RSBN1: variants seen among roughly 807,000 people sequenced by gnomAD.
The protein encoded by RSBN1 is round spermatid basic protein 1.
In RSBN1, 23 loss-of-function variants were observed where a neutral mutation model predicts 74.8. The ratio of observed to expected loss-of-function variants is 0.31; its 90% confidence interval spans 0.22 to 0.44. The LOEUF (loss-of-function observed/expected upper bound fraction) is 0.44, where lower values mean the gene tolerates loss of function less well. RSBN1 is among the 20% of genes least tolerant of loss of function. The pLI is 1.00. For missense variants in RSBN1, 808 were observed against 1,020.9 expected, an observed-to-expected ratio of 0.79 and a Z score of 2.84; for synonymous variants, 407 against 379.6, an observed-to-expected ratio of 1.07 and a Z score of -0.84.
At chr1:113,793,247 T>C (rs547695982) in intron 2 of RSBN1, among the ~76,000 whole-genome samples, 22 of 152,300 alleles carry the variant, frequency 1.4e-4, no homozygotes, top group African/African-American at 4.6e-4. Context: ...AATTCATACA[T>C]AGAGCAAACT....
intron 1 of RSBN1, among the ~76,000 whole-genome samples, chr1:113,806,838 CA>C (rs140139729): frequency 0.26 from 20,581 of 78,874 alleles, 1,799 homozygotes; most frequent in Middle Eastern, 0.38. Flanking sequence ...CTGCCTCTAT[CA>C]AAAAAAAAAA....
At chr1:113,787,011 A>T (rs1431828263) in intron 2 of RSBN1, among the ~76,000 whole-genome samples, 5 of 152,164 alleles carry the variant, frequency 3.3e-5, no homozygotes, top group Non-Finnish European at 7.3e-5. Context: ...TTTTGCATAT[A>T]AACTTCAATA....
chr1:113,792,581 G>A (rs762626467), intron 2 of RSBN1, among the ~76,000 whole-genome samples: 12 of 152,142 alleles, frequency 7.9e-5, no homozygotes, highest in South Asian at 2.1e-4. Flanking sequence ...GTACACACCC[G>A]TAGTCCTAGC....
chr1:113,785,518 T>A (rs1045120082), intron 2 of RSBN1, among the ~76,000 whole-genome samples: 3 of 152,168 alleles, frequency 2.0e-5, no homozygotes, highest in African/African-American at 7.2e-5. Flanking sequence ...ACATAGCACA[T>A]AAACATATAT....
Position 113,799,565 on chromosome 1 carries a change from TACACACACAC to T in RSBN1, c.704-1539_704-1530del, listed in dbSNP as rs66958734. On this transcript the variant is annotated intron_variant, in intron 1 of 6. Coordinates refer to ENST00000261441, the MANE Select transcript of RSBN1 (RefSeq NM_018364.5). Reference sequence around the variant, plus strand: ...AAGTCTGTCTGATCTATAGATGCTTTACACACACACACACACACACACACACACACACACA... The same window carrying T: ...AAGTCTGTCTGATCTATAGATGCTTTACACACACACACACACACACACACA... Among the ~76,000 whole-genome samples the T allele has an allele frequency of 3.4e-3, 489 of 142,088 alleles. 3 individuals carry two copies. The highest frequency in any genetic ancestry group is 7.0e-3 in the Middle Eastern group (2 of 284). The allele number at this position is 142,088 out of a possible 152,430, so 93.2% of individuals were successfully genotyped here.
intron 1 of RSBN1, among the ~76,000 whole-genome samples, chr1:113,806,332 C>CA (rs529369551): frequency 0.011 from 1,073 of 99,624 alleles, 6 homozygotes; most frequent in Middle Eastern, 0.036. Flanking sequence ...GACTCTGTCT[C>CA]AAAAAAAAAA....
In RSBN1 at chr1:113,797,574, T is replaced by G. The variant is rs1660495753; in HGVS notation, c.1166A>C (p.Glu389Ala). Residue 389 changes from glutamate (E) to alanine (A), a missense_variant, in exon 2 of 7, where the codon GAG (glutamate) becomes GCG (alanine). By Grantham distance (107) the Glu-to-Ala change is moderately radical. Transcript: ENST00000261441. ...ELSFLSPMEM[E>A]RFSEEFLALT... Reference sequence around the variant, plus strand: ...AGCAAGAAACTCCTCAGAAAATCTCTCCATCTCCATTGGAGACAAAAATGA... The same window carrying G: ...AGCAAGAAACTCCTCAGAAAATCTCGCCATCTCCATTGGAGACAAAAATGA... The G allele has an allele frequency of 6.2e-7, 1 of 1,612,016 alleles. No individual in the cohort carries two copies. Among genetic ancestry groups the G allele is most frequent in the East Asian group, 2.2e-5 (1 of 44,814 alleles).
In RSBN1 at chr1:113,766,221, C is replaced by T. The variant is rs572026739; in HGVS notation, c.2168G>A (p.Gly723Asp). Reference sequence around the variant, plus strand: ...TTCTAATTCTCGCTTTCCAGTTAAACCACAGTCCATGTTAGAATTGCTTTC... The same window carrying T: ...TTCTAATTCTCGCTTTCCAGTTAAATCACAGTCCATGTTAGAATTGCTTTC... ...NTESNSNMDCGLTGKRELEVD... is the reference protein window; with the variant it reads ...NTESNSNMDCDLTGKRELEVD... Residue 723 changes from glycine (G) to aspartate (D), a missense_variant, in exon 7 of 7, where the codon GGT (glycine) becomes GAT (aspartate). Gly to Asp is a moderately conservative substitution (Grantham distance 94). This residue lies in a region of RSBN1 where 91 missense variants were observed against 99.6 expected (regional missense o/e 0.91). Coordinates refer to ENST00000261441, the MANE Select transcript of RSBN1 (RefSeq NM_018364.5). The T allele has an allele frequency of 1.2e-6, 2 of 1,614,108 alleles. No homozygotes were observed. The highest frequency in any genetic ancestry group is 2.2e-5 in the East Asian group (1 of 44,882).
intron 5 of RSBN1, among the ~76,000 whole-genome samples, chr1:113,767,566 T>C (rs1357666826): frequency 6.6e-6 from 1 of 152,166 alleles, no homozygotes; most frequent in African/African-American, 2.4e-5. Context: ...AGTCTGGTAG[T>C]TTCTCAAAAC....
chr1:113,789,617 T>G (rs1313124586), intron 2 of RSBN1, among the ~76,000 whole-genome samples: 2 of 152,132 alleles, frequency 1.3e-5, no homozygotes, highest in Non-Finnish European at 2.9e-5. Context: ...GAGAGGCCAG[T>G]CCTGGGGACT....
intron 2 of RSBN1, among the ~76,000 whole-genome samples, chr1:113,792,071 A>G (rs1327072745): frequency 6.6e-6 from 1 of 152,238 alleles, no homozygotes; most frequent in Admixed American, 6.5e-5. Flanking sequence ...TAGAGTAATA[A>G]AAGTAATATA....
intron 1 of RSBN1, among the ~76,000 whole-genome samples, chr1:113,799,138 T>C (rs1157811446): frequency 6.6e-6 from 1 of 152,218 alleles, no homozygotes; most frequent in Non-Finnish European, 1.5e-5. Flanking sequence ...AAACATTAAT[T>C]CATCCAAACA....
chr1:113,805,373 C>T (rs763816316), intron 1 of RSBN1, among the ~76,000 whole-genome samples: 9 of 152,036 alleles, frequency 5.9e-5, no homozygotes, highest in South Asian at 2.1e-4. Context: ...CCACCGCGCC[C>T]GGCCTGTCCT....
In RSBN1 at chr1:113,777,650, ATAATCT is replaced by A; in HGVS notation, c.1515+15_1515+20del. ...CACTTAAGTAAAGATCAAAACTTTA[ATAATCT>A]TAATTAACACTCACTTTCAGAAATG... On this transcript the variant is annotated intron_variant, in intron 3 of 6. Coordinates refer to ENST00000261441, the MANE Select transcript of RSBN1 (RefSeq NM_018364.5). 2 of 1,597,426 alleles carry A rather than the reference ATAATCT, an allele frequency of 1.3e-6. No individual in the cohort carries two copies. The highest frequency in any genetic ancestry group is 2.7e-5 in the African/African-American group (2 of 74,652).
chr1:113,809,726 G>A (rs556518401), intron 1 of RSBN1, among the ~76,000 whole-genome samples: 15 of 152,250 alleles, frequency 9.9e-5, no homozygotes, highest in Non-Finnish European at 1.6e-4. Context: ...TTCTTCACAT[G>A]TTGGCAAACT....
intron 4 of RSBN1, among the ~76,000 whole-genome samples, chr1:113,776,243 T>A (rs2101797693): frequency 6.6e-6 from 1 of 152,328 alleles, no homozygotes. Context: ...ATAGTCCCTG[T>A]CTTCCCAAAG....
At chr1:113,809,280 A>G (rs1224705577) in intron 1 of RSBN1, among the ~76,000 whole-genome samples, 1 of 152,216 alleles carries the variant, frequency 6.6e-6, no homozygotes, top group Non-Finnish European at 1.5e-5. Context: ...CAAGTTCCTT[A>G]TAAATGAAAT....
At chr1:113,777,893 G>A (rs566098102) in intron 2 of RSBN1, 85 bp from the exon 3 acceptor site, 61 of 1,261,836 alleles carry the variant, frequency 4.8e-5, no homozygotes, top group African/African-American at 2.4e-4. Context: ...TGTTTCCAAC[G>A]TTGCCATTTC....
chr1:113,769,343 TTAAAC>T lies in RSBN1; in HGVS notation c.1659-959_1659-955del, dbSNP rs1337238008. 3.6e-4 allele frequency among the ~76,000 whole-genome samples: 55 copies of T among 151,852 alleles called. 1 individual carries two copies. Among genetic ancestry groups the T allele is most frequent in the Admixed American group, 1.7e-3 (26 of 15,176 alleles). ...GCATCAGGCAATGACCCTATTATAG[TTAAAC>T]TAGAGTTCTGATTCAAGATTGCAAA... On this transcript the variant is annotated intron_variant, in intron 4 of 6. Transcript: ENST00000261441.
Sources: allele counts gnomAD v4.1 joint callset (sites outside exome capture counted in the v4.1 genomes callset), GRCh38; gene constraint gnomAD v4.1.1; regional missense constraint gnomAD v4.1.1; transcripts MANE v1.5; gene names NCBI Gene and HGNC (gene_info 2026-07-23, HGNC 2026-07-21).